NXPH1: variants seen among roughly 807,000 people sequenced by gnomAD.
NXPH1 encodes the protein neurexophilin-1.
NXPH1 carries 5 observed loss-of-function variants against 23.7 expected under a neutral mutation model. The observed-to-expected ratio is 0.21, with a 90% CI of 0.11 to 0.44. The LOEUF (loss-of-function observed/expected upper bound fraction) is 0.44, where lower values mean the gene tolerates loss of function less well. Ranked by LOEUF, NXPH1 falls within the 20% of genes least tolerant of loss-of-function variation. NXPH1 has a pLI of 0.99. For missense variants in NXPH1, 324 were observed against 321.6 expected, an observed-to-expected ratio of 1.01 and a Z score of -0.06; for synonymous variants, 144 against 122.2, an observed-to-expected ratio of 1.18 and a Z score of -1.18.
intron 2 of NXPH1, among the ~76,000 whole-genome samples, chr7:8,527,602 T>A (rs1308822480): frequency 6.6e-6 from 1 of 152,210 alleles, no homozygotes; most frequent in African/African-American, 2.4e-5. Flanking sequence ...TGGCAGGAAT[T>A]AGTATAGGTG....
chr7:8,637,730 A>G (rs79432770), intron 2 of NXPH1, among the ~76,000 whole-genome samples: 7,900 of 152,312 alleles, frequency 0.052, 423 homozygotes, highest in East Asian at 0.17. Flanking sequence ...TCACAATACA[A>G]TACATGCTCT....
chr7:8,691,120 A>G (rs1345818912), intron 2 of NXPH1, among the ~76,000 whole-genome samples: 2 of 152,226 alleles, frequency 1.3e-5, no homozygotes, highest in African/African-American at 2.4e-5. Context: ...TAACTTTCCA[A>G]TGAGTTCTTT....
intron 2 of NXPH1, among the ~76,000 whole-genome samples, chr7:8,597,935 A>G (rs17152074): frequency 0.19 from 29,583 of 151,916 alleles, 6,063 homozygotes; most frequent in African/African-American, 0.52. Context: ...GAGTTCTTTT[A>G]CTGCGGAGAG....
chr7:8,514,313 T>A lies in NXPH1; in HGVS notation c.54+78546T>A, dbSNP rs116364326. The stretch of plus-strand genomic sequence containing the variant: ...ATAGACTCTCTCTCTCCGACATTTT[T>A]AAAGCCTTATTATTTGGGAAACGTA... On this transcript the variant is annotated intron_variant, in intron 2 of 2. Transcript: ENST00000405863. 3.5e-3 allele frequency among the ~76,000 whole-genome samples: 529 copies of A among 152,274 alleles called. 1 individual carries two copies. The highest frequency in any genetic ancestry group is 0.012 in the African/African-American group (499 of 41,572).
intron 2 of NXPH1, among the ~76,000 whole-genome samples, chr7:8,716,506 A>G (rs919648378): frequency 7.9e-5 from 12 of 152,220 alleles, no homozygotes; most frequent in African/African-American, 2.9e-4. Flanking sequence ...ATTTTTATCC[A>G]ATTTATTGTA....
intron 2 of NXPH1, among the ~76,000 whole-genome samples, chr7:8,450,347 C>T (rs577943448): frequency 7.8e-4 from 119 of 152,282 alleles, no homozygotes; most frequent in African/African-American, 2.7e-3. Context: ...AAAATATTTG[C>T]ACAATTATAC....
chr7:8,566,191 A>T (rs545015443), intron 2 of NXPH1, among the ~76,000 whole-genome samples: 1 of 151,956 alleles, frequency 6.6e-6, no homozygotes, highest in African/African-American at 2.4e-5. Flanking sequence ...GTTCTTTGGC[A>T]CCATCGATTC....
chr7:8,588,524 A>G (rs1008292144), intron 2 of NXPH1, among the ~76,000 whole-genome samples: 2 of 152,130 alleles, frequency 1.3e-5, no homozygotes, highest in Non-Finnish European at 2.9e-5. Flanking sequence ...AACAGACCAC[A>G]TAACTACATG....
At chr7:8,674,627 G>T (rs1243201734) in intron 2 of NXPH1, among the ~76,000 whole-genome samples, 2 of 152,102 alleles carry the variant, frequency 1.3e-5, no homozygotes, top group Non-Finnish European at 2.9e-5. Context: ...AAAGTAGAAG[G>T]CCAGAGATAA....
intron 2 of NXPH1, among the ~76,000 whole-genome samples, chr7:8,466,890 G>A (rs1247617713): frequency 1.3e-5 from 2 of 151,602 alleles, no homozygotes; most frequent in East Asian, 3.9e-4. Flanking sequence ...AGAGTCATTA[G>A]AGCTGATGGG....
At chr7:8,601,383 A>G (rs530262729) in intron 2 of NXPH1, among the ~76,000 whole-genome samples, 8 of 151,720 alleles carry the variant, frequency 5.3e-5, no homozygotes, top group Non-Finnish European at 1.2e-4. Context: ...TCACTTTTCA[A>G]TGCATTAAGG....
chr7:8,485,230 C>G (rs140788824), intron 2 of NXPH1, among the ~76,000 whole-genome samples: 60 of 152,294 alleles, frequency 3.9e-4, no homozygotes, highest in Non-Finnish European at 7.1e-4. Flanking sequence ...TGCACGTGCT[C>G]TCTTGCCTGC....
At chr7:8,524,101 G>T (rs774403876) in intron 2 of NXPH1, among the ~76,000 whole-genome samples, 1 of 151,852 alleles carries the variant, frequency 6.6e-6, no homozygotes, top group Non-Finnish European at 1.5e-5. Flanking sequence ...AATTAGCTGG[G>T]CCCAGTGGCA....
chr7:8,471,513 T>A (rs1816871572), intron 2 of NXPH1, among the ~76,000 whole-genome samples: 1 of 152,144 alleles, frequency 6.6e-6, no homozygotes. Flanking sequence ...GCTTTGGAAA[T>A]GGGTTGTAAA....
chr7:8,704,939 C>T (rs764879752), intron 2 of NXPH1, among the ~76,000 whole-genome samples: 3 of 151,976 alleles, frequency 2.0e-5, no homozygotes, highest in Non-Finnish European at 2.9e-5. Context: ...CAAGTTCTGC[C>T]CAAAAGGACC....
At chr7:8,702,486 G>A (rs1779639847) in intron 2 of NXPH1, among the ~76,000 whole-genome samples, 1 of 151,982 alleles carries the variant, frequency 6.6e-6, no homozygotes, top group Non-Finnish European at 1.5e-5. Flanking sequence ...CATATCCATG[G>A]GAGGCTAGTC....
chr7:8,455,551 C>G (rs1816580261), intron 2 of NXPH1, among the ~76,000 whole-genome samples: 1 of 152,210 alleles, frequency 6.6e-6, no homozygotes, highest in African/African-American at 2.4e-5. Context: ...AGACTTCCCT[C>G]TTTCTGTACA....
chr7:8,577,169 T>G (rs1818771111), intron 2 of NXPH1, among the ~76,000 whole-genome samples: 2 of 152,170 alleles, frequency 1.3e-5, no homozygotes, highest in African/African-American at 4.8e-5. Context: ...GTATCTAAAT[T>G]GTGAATTTCC....
At chr7:8,697,947 A>G (rs1258835004) in intron 2 of NXPH1, among the ~76,000 whole-genome samples, 6 of 152,170 alleles carry the variant, frequency 3.9e-5, no homozygotes, top group Admixed American at 1.3e-4. Flanking sequence ...AGGTCATGCA[A>G]GATAATTTGG....
Sources: allele counts gnomAD v4.1 joint callset (sites outside exome capture counted in the v4.1 genomes callset), GRCh38; gene constraint gnomAD v4.1.1; transcripts MANE v1.5; gene names NCBI Gene and HGNC (gene_info 2026-07-23, HGNC 2026-07-21).